The following RBMS1 variants were observed in gnomAD, a reference collection of about 807,000 sequenced individuals.
RBMS1 encodes the protein RNA-binding motif, single-stranded-interacting protein 1.
A neutral mutation model predicts 62.3 loss-of-function variants in RBMS1; 17 were observed. That is an observed-to-expected ratio of 0.27 (90% CI 0.19 to 0.41). RBMS1 has a LOEUF of 0.41. RBMS1 is among the 10% of genes least tolerant of loss of function. The pLI, the probability that RBMS1 is intolerant of heterozygous loss-of-function variation, is 1.00. For missense variants in RBMS1, 334 were observed against 504.5 expected (o/e 0.66, Z 3.24); for synonymous variants, 172 against 170.0 (o/e 1.01, Z -0.09).
chr2:160,427,427 A>T (rs1358406138), intron 1 of RBMS1, among the ~76,000 whole-genome samples: 1 of 152,154 alleles, frequency 6.6e-6, no homozygotes, highest in Non-Finnish European at 1.5e-5. Context: ...ACTGAGTCAA[A>T]AATAAATTTT....
intron 2 of RBMS1, 169 bp downstream of exon 2, chr2:160,367,047 A>C (rs1338956757): frequency 1.9e-6 from 1 of 527,776 alleles, no homozygotes; most frequent in Non-Finnish European, 3.1e-6. Flanking sequence ...GTTAATATTG[A>C]CTCAAAAAGT....
chr2:160,352,596 T>C (rs1322723256), intron 2 of RBMS1, among the ~76,000 whole-genome samples: 1 of 152,154 alleles, frequency 6.6e-6, no homozygotes, highest in Non-Finnish European at 1.5e-5. Flanking sequence ...TCTCCTGCTA[T>C]CTCTTTGTAT....
chr2:160,296,019 G>T (rs780460408), intron 6 of RBMS1, among the ~76,000 whole-genome samples: 3 of 152,204 alleles, frequency 2.0e-5, no homozygotes, highest in Non-Finnish European at 2.9e-5. Context: ...AATGTGTGGG[G>T]CCCTGCTCGT....
intron 1 of RBMS1, among the ~76,000 whole-genome samples, chr2:160,448,119 C>G (rs1314103013): frequency 2.0e-5 from 3 of 152,200 alleles, no homozygotes; most frequent in African/African-American, 7.2e-5. Context: ...TAACAATTAT[C>G]TTTATATCCT....
chr2:160,439,117 G>T (rs1373918253), intron 1 of RBMS1, among the ~76,000 whole-genome samples: 27 of 149,016 alleles, frequency 1.8e-4, no homozygotes, highest in African/African-American at 6.5e-4. Context: ...CTCACCTGCC[G>T]GATGGGGCGG....
intron 10 of RBMS1, 78 bp from the exon 11 acceptor site, chr2:160,278,736 A>T: frequency 1.2e-6 from 1 of 863,218 alleles, no homozygotes; most frequent in Non-Finnish European, 1.8e-6. Context: ...TTTACAAAGG[A>T]AATACCTTAG....
At chr2:160,474,340 G>A (rs1224626274) in intron 1 of RBMS1, among the ~76,000 whole-genome samples, 2 of 152,136 alleles carry the variant, frequency 1.3e-5, no homozygotes, top group African/African-American at 4.8e-5. Flanking sequence ...TCTTTTTTGT[G>A]TGTGTTGATG....
chr2:160,442,157 T>C (rs1683434719), intron 1 of RBMS1, among the ~76,000 whole-genome samples: 4 of 152,230 alleles, frequency 2.6e-5, no homozygotes, highest in Admixed American at 1.3e-4. Context: ...ATTTTGATAA[T>C]GTCCGATTTA....
intron 1 of RBMS1, among the ~76,000 whole-genome samples, chr2:160,471,582 T>C (rs1242955318): frequency 6.7e-6 from 1 of 150,306 alleles, no homozygotes; most frequent in Non-Finnish European, 1.5e-5. Context: ...GTTTAAAGAA[T>C]ATCTGGAGCA....
intron 1 of RBMS1, among the ~76,000 whole-genome samples, chr2:160,492,684 G>T (rs902766524): frequency 5.3e-5 from 8 of 152,206 alleles, no homozygotes; most frequent in Non-Finnish European, 8.8e-5. Context: ...CGTAAAAGTA[G>T]AAATCAGTAA....
chr2:160,286,089 C>G (rs138247140), intron 7 of RBMS1, among the ~76,000 whole-genome samples: 1 of 151,186 alleles, frequency 6.6e-6, no homozygotes, highest in Admixed American at 6.6e-5. Flanking sequence ...CCAGCCTGAG[C>G]GACAGAGCAA....
chr2:160,355,199 G>GA (rs1032868581), intron 2 of RBMS1, among the ~76,000 whole-genome samples: 2 of 152,032 alleles, frequency 1.3e-5, no homozygotes, highest in Non-Finnish European at 2.9e-5. Context: ...TGAGAGTTTC[G>GA]AATCCACTAT....
intron 1 of RBMS1, among the ~76,000 whole-genome samples, chr2:160,472,682 C>T (rs1430489297): frequency 6.6e-6 from 1 of 152,102 alleles, no homozygotes; most frequent in African/African-American, 2.4e-5. Context: ...CTTTTTTATA[C>T]AAGCTTAAAT....
intron 1 of RBMS1, among the ~76,000 whole-genome samples, chr2:160,462,292 C>A (rs1173424354): frequency 6.6e-6 from 1 of 152,200 alleles, no homozygotes; most frequent in East Asian, 1.9e-4. Context: ...AGTATAAGGA[C>A]ACAATGCCTG....
At chr2:160,410,153 C>T (rs1175825650) in intron 1 of RBMS1, among the ~76,000 whole-genome samples, 1 of 127,786 alleles carries the variant, frequency 7.8e-6, no homozygotes, top group South Asian at 2.7e-4. Flanking sequence ...ACCCAGGAGG[C>T]GGAGCTTGCA....
intron 1 of RBMS1, among the ~76,000 whole-genome samples, chr2:160,448,910 C>A (rs557069900): frequency 3.0e-3 from 450 of 151,886 alleles, no homozygotes; most frequent in African/African-American, 9.9e-3. Flanking sequence ...CCCGCCACCC[C>A]ATCTGGGATG....
intron 1 of RBMS1, among the ~76,000 whole-genome samples, chr2:160,371,871 A>G (rs1250230041): frequency 6.6e-6 from 1 of 152,170 alleles, no homozygotes; most frequent in Admixed American, 6.5e-5. Context: ...CACTAAAAGG[A>G]TCAACAACAG....
chr2:160,387,903 T>A (rs1413754259), intron 1 of RBMS1, among the ~76,000 whole-genome samples: 1 of 152,188 alleles, frequency 6.6e-6, no homozygotes, highest in Non-Finnish European at 1.5e-5. Flanking sequence ...CAGAGGTTTA[T>A]GCCTGGCCCT....
chr2:160,357,750 A>T (rs1692882627), intron 2 of RBMS1, among the ~76,000 whole-genome samples: 1 of 152,164 alleles, frequency 6.6e-6, no homozygotes, highest in Non-Finnish European at 1.5e-5. Flanking sequence ...AGCAATTTTC[A>T]AGAGGGGATT....
Sources: allele counts gnomAD v4.1 joint callset (sites outside exome capture counted in the v4.1 genomes callset), GRCh38; gene constraint gnomAD v4.1.1; transcripts MANE v1.5; gene names NCBI Gene and HGNC (gene_info 2026-07-23, HGNC 2026-07-21).